DNMBP: variants seen among roughly 807,000 people sequenced by gnomAD.
DNMBP encodes the protein dynamin-binding protein.
In DNMBP, 87 loss-of-function variants were observed where a neutral mutation model predicts 150.0. That is an observed-to-expected ratio of 0.58 (90% CI 0.49 to 0.69). DNMBP has a LOEUF of 0.69. DNMBP is among the 30% of genes least tolerant of loss of function. The pLI, the probability that DNMBP is intolerant of heterozygous loss-of-function variation, is 0.00. For missense variants in DNMBP, 1,774 were observed against 1,949.0 expected, an observed-to-expected ratio of 0.91 and a Z score of 1.69; for synonymous variants, 711 against 750.4, an observed-to-expected ratio of 0.95 and a Z score of 0.86.
chr10:99,931,024 T>C, intron 4 of DNMBP: 1 of 360,772 alleles, frequency 2.8e-6, no homozygotes, highest in Non-Finnish European at 4.9e-6. Flanking sequence ...GTGATTGGAG[T>C]TGCCAGCTTT....
chr10:99,986,947 G>A (rs2040834141), intron 1 of DNMBP, among the ~76,000 whole-genome samples: 1 of 152,020 alleles, frequency 6.6e-6, no homozygotes, highest in South Asian at 2.1e-4. Flanking sequence ...GAGGTCAGGA[G>A]ATCGAGACCA....
intron 4 of DNMBP, among the ~76,000 whole-genome samples, chr10:99,940,149 T>C (rs568900050): frequency 2.0e-4 from 30 of 152,320 alleles, no homozygotes; most frequent in African/African-American, 7.2e-4. Context: ...GTGATTACAA[T>C]GGGGTACACA....
intron 3 of DNMBP, among the ~76,000 whole-genome samples, chr10:99,967,886 G>A (rs540970777): frequency 1.4e-3 from 213 of 152,248 alleles, no homozygotes; most frequent in Non-Finnish European, 2.4e-3. Context: ...TATGCAGAAT[G>A]GACTTAAGGA....
intron 4 of DNMBP, among the ~76,000 whole-genome samples, chr10:99,910,440 TGA>T (rs1002603349): frequency 6.6e-6 from 1 of 152,190 alleles, no homozygotes; most frequent in African/African-American, 2.4e-5. Flanking sequence ...CTTGGGAGGC[TGA>T]GTCATGAGAA....
chr10:99,884,024 C>G lies in DNMBP; in HGVS notation c.3984G>C (p.Leu1328=), dbSNP rs1231771449. 6.8e-6 allele frequency: 11 copies of G among 1,613,970 alleles called. No individual in the cohort carries two copies. Among genetic ancestry groups the G allele is most frequent in the Non-Finnish European group, 9.3e-6 (11 of 1,180,002 alleles). The change falls in exon 15 of 17, where the codon CTG becomes CTC. Residue 1328 remains leucine, a synonymous_variant. Coordinates refer to ENST00000324109, the MANE Select transcript of DNMBP (RefSeq NM_015221.4). ...TAAAATTCTTACCTCCATTGTCAATCAGCCAGCGGTTCTGGCTGCCCATGG... is the reference window on the plus strand; with the variant it reads ...TAAAATTCTTACCTCCATTGTCAATGAGCCAGCGGTTCTGGCTGCCCATGG... ...KDPMGSQNRW[L]IDNGVTKGFV... is the part of the protein sequence containing the mutation.
chr10:99,877,338 T>C lies in DNMBP; in HGVS notation c.4549-2A>G. The C allele has an allele frequency of 6.2e-7, 1 of 1,601,322 alleles. No homozygotes were observed. Among genetic ancestry groups the C allele is most frequent in the Non-Finnish European group, 8.5e-7 (1 of 1,173,590 alleles). ...GAAGGTGTAGACAGCAAAATAGACC[T>C]GTGTGAGGGAGAGAGAGAAAATGGG... On this transcript the variant is annotated splice_acceptor_variant, in intron 16 of 16. Coordinates refer to ENST00000324109, the MANE Select transcript of DNMBP (RefSeq NM_015221.4). LOFTEE classifies it high-confidence loss of function.
intron 1 of DNMBP, among the ~76,000 whole-genome samples, chr10:99,991,992 C>T (rs2040898824): frequency 1.7e-5 from 2 of 118,856 alleles, no homozygotes; most frequent in South Asian, 5.0e-4. Flanking sequence ...AATCTCACCA[C>T]TTTAGGAGGC....
At chr10:99,995,132 A>C (rs1420822304) in intron 1 of DNMBP, among the ~76,000 whole-genome samples, 1 of 151,006 alleles carries the variant, frequency 6.6e-6, no homozygotes, top group African/African-American at 2.4e-5. Context: ...AGCTCACTGC[A>C]GCCTTGACCT....
Position 99,881,228 on chromosome 10 carries a change from C to CA in DNMBP, c.3998-868dup, listed in dbSNP as rs371990529. Among the ~76,000 whole-genome samples the CA allele has an allele frequency of 9.7e-4, 147 of 150,808 alleles. 1 individual carries two copies. Among genetic ancestry groups the CA allele is most frequent in the Middle Eastern group, 3.4e-3 (1 of 294 alleles). ...GGGCAACAAGAACGAAACTCCGTCT[C>CA]AAAAAAAAAGCCTCAGCTCAAGAAG... On this transcript the variant is annotated intron_variant, in intron 15 of 16. Coordinates refer to ENST00000324109, the MANE Select transcript of DNMBP (RefSeq NM_015221.4).
At chr10:99,929,792 TC>T in intron 4 of DNMBP, 1 of 702,998 alleles carries the variant, frequency 1.4e-6, no homozygotes, top group Non-Finnish European at 2.6e-6. Flanking sequence ...CTCCTTGTTC[TC>T]CCCTGGTACA....
At chr10:99,990,750 T>C (rs996495582) in intron 1 of DNMBP, among the ~76,000 whole-genome samples, 17 of 99,164 alleles carry the variant, frequency 1.7e-4, no homozygotes, top group African/African-American at 6.8e-4. Flanking sequence ...TGCACATGTA[T>C]ATACACATAT....
intron 11 of DNMBP, among the ~76,000 whole-genome samples, chr10:99,892,244 C>T (rs1441136767): frequency 7.3e-5 from 11 of 150,044 alleles, no homozygotes; most frequent in East Asian, 2.0e-4. Flanking sequence ...GCCACCACCC[C>T]GTCTGGGAGG....
At chr10:99,935,984 T>C (rs1430115609) in intron 4 of DNMBP, among the ~76,000 whole-genome samples, 1 of 152,194 alleles carries the variant, frequency 6.6e-6, no homozygotes, top group Non-Finnish European at 1.5e-5. Context: ...GCTACCCAGA[T>C]CTTATTTTAC....
chr10:99,901,777 A>G (rs1006926536), intron 6 of DNMBP, among the ~76,000 whole-genome samples: 1 of 151,822 alleles, frequency 6.6e-6, no homozygotes, highest in African/African-American at 2.4e-5. Flanking sequence ...CTTCCCTACA[A>G]CCAACCATCC....
intron 4 of DNMBP, chr10:99,930,816 C>G: frequency 1.6e-6 from 1 of 616,094 alleles, no homozygotes; most frequent in Non-Finnish European, 2.9e-6. Context: ...TGGGCCTGGG[C>G]TGGGCTGTGG....
chr10:99,942,083 C>G (rs924426472), intron 4 of DNMBP, among the ~76,000 whole-genome samples: 1 of 152,190 alleles, frequency 6.6e-6, no homozygotes, highest in Admixed American at 6.5e-5. Context: ...TCTAGCTGAA[C>G]CAGTCTCCTT....
chr10:99,983,074 A>G (rs2040795398), intron 1 of DNMBP, among the ~76,000 whole-genome samples: 1 of 152,146 alleles, frequency 6.6e-6, no homozygotes, highest in African/African-American at 2.4e-5. Flanking sequence ...CTCTACCAGG[A>G]GAGACTGCCT....
chr10:99,910,290 C>G (rs112595096), intron 4 of DNMBP, among the ~76,000 whole-genome samples: 1 of 152,228 alleles, frequency 6.6e-6, no homozygotes, highest in Non-Finnish European at 1.5e-5. Flanking sequence ...GCCCATGATC[C>G]CAGCACTTTG....
intron 1 of DNMBP, among the ~76,000 whole-genome samples, chr10:100,006,641 T>C (rs2041074239): frequency 6.6e-6 from 1 of 152,118 alleles, no homozygotes; most frequent in African/African-American, 2.4e-5. Context: ...CCTACACTGA[T>C]GTGTCCTCCC....
Sources: gnomAD v4.1 joint callset for allele counts (sites outside exome capture counted in the v4.1 genomes callset) on GRCh38, gnomAD v4.1.1 for gene constraint, MANE v1.5 for transcripts, NCBI Gene and HGNC (gene_info 2026-07-23, HGNC 2026-07-21) for gene names.